TST: variants seen among roughly 807,000 people sequenced by gnomAD.
TST encodes the protein thiosulfate sulfurtransferase.
In TST, 22 loss-of-function variants were observed where a neutral mutation model predicts 20.4. The observed-to-expected ratio is 1.08, with a 90% CI of 0.77 to 1.54. TST has a LOEUF of 1.54. Ranked by LOEUF, TST falls within the 40% of genes most tolerant of loss-of-function variation. TST has a pLI of 0.00. For synonymous variants in TST, 187 were observed against 173.8 expected (o/e 1.08, Z -0.60); for missense variants, 392 against 405.2 (o/e 0.97, Z 0.28).
rs1922439069 is a variant in TST, at chr22:37,010,878, A to C, written c.*149T>G. Reference sequence around the variant, plus strand: ...CAAACACACTACTCAGAAAAGGCAAAGTTTATTCCAGTGTTGACAGAGAGA... The same window carrying C: ...CAAACACACTACTCAGAAAAGGCAACGTTTATTCCAGTGTTGACAGAGAGA... On this transcript the variant is annotated 3_prime_UTR_variant, in exon 3 of 3. Coordinates refer to ENST00000249042, the MANE Select transcript of TST (RefSeq NM_003312.6). 8.4e-7 allele frequency: 1 copy of C among 1,195,484 alleles called. No individual in the cohort carries two copies. Among genetic ancestry groups the C allele is most frequent in the Non-Finnish European group, 1.2e-6 (1 of 859,506 alleles). 74.1% of individuals were successfully genotyped at this position (1,195,484 alleles called of 1,614,324 possible).
At chr22:37,013,767 TC>T (rs1922568487) in intron 2 of TST, among the ~76,000 whole-genome samples, 1 of 152,202 alleles carries the variant, frequency 6.6e-6, no homozygotes, top group African/African-American at 2.4e-5. Flanking sequence ...GGGCATTCTT[TC>T]CCAAGAAACC....
chr22:37,012,351 A>C (rs74624100), intron 2 of TST, among the ~76,000 whole-genome samples: 2,960 of 152,320 alleles, frequency 0.019, 39 homozygotes, highest in Non-Finnish European at 0.029. Context: ...ATCTGGCTTC[A>C]GAAGAGCCAG....
chr22:37,012,437 A>G (rs977495374), intron 2 of TST, among the ~76,000 whole-genome samples: 2 of 152,190 alleles, frequency 1.3e-5, no homozygotes, highest in Non-Finnish European at 2.9e-5. Context: ...AATCTCACAC[A>G]TGCCCCAGGC....
Position 37,011,193 on chromosome 22 carries a change from G to A in TST, c.728C>T (p.Pro243Leu). ...TCCCTTGCGGCACGTGGCAATGAGA[G>A]GCTGCGAGAGATCCACCTTCTTGGT... is the stretch of plus-strand genomic sequence containing the variant. ...FQTKKVDLSQ[P>L]LIATCRKGVT... is the part of the protein sequence containing the mutation. Residue 243 changes from proline to leucine, a missense_variant, in exon 3 of 3, where the codon CCT becomes CTT. Coordinates refer to ENST00000249042, the MANE Select transcript of TST (RefSeq NM_003312.6). The A allele has an allele frequency of 2.5e-6, 4 of 1,613,860 alleles. No homozygotes were observed. Among genetic ancestry groups the A allele is most frequent in the Non-Finnish European group, 2.5e-6 (3 of 1,180,002 alleles).
chr22:37,015,268 G>A (rs1482809687), intron 2 of TST, among the ~76,000 whole-genome samples: 3 of 152,146 alleles, frequency 2.0e-5, no homozygotes, highest in East Asian at 3.9e-4. Flanking sequence ...TATAAAAAGC[G>A]TTCTGTAAAT....
At chr22:37,015,590 G>A (rs538341686) in intron 2 of TST, among the ~76,000 whole-genome samples, 1 of 152,382 alleles carries the variant, frequency 6.6e-6, no homozygotes, top group East Asian at 1.9e-4. Flanking sequence ...GCTTGCCTAA[G>A]GTGAGCAGGA....
At chr22:37,011,367 G>A (rs377064767) in intron 2 of TST, 42 bp from the exon 3 acceptor site, 38 of 1,579,526 alleles carry the variant, frequency 2.4e-5, no homozygotes, top group Non-Finnish European at 2.6e-6. Flanking sequence ...TGTATGAGGG[G>A]TGGGGACTAA....
chr22:37,016,802 C>T (rs1922696951), intron 2 of TST, among the ~76,000 whole-genome samples: 1 of 152,154 alleles, frequency 6.6e-6, no homozygotes, highest in Non-Finnish European at 1.5e-5. Flanking sequence ...AAATATGGGG[C>T]CTGGAAAAAG....
chr22:37,013,194 G>A (rs1922545995), intron 2 of TST: 4 of 152,220 alleles, frequency 2.6e-5, no homozygotes, highest in African/African-American at 9.7e-5. Flanking sequence ...CGGGGCCAAA[G>A]AGGATTCCAA....
rs1922440729 is a variant in TST, at chr22:37,010,914, T to G, written c.*113A>C. On this transcript the variant is annotated 3_prime_UTR_variant, in exon 3 of 3. Transcript: ENST00000249042. ...GTGTTGACAGAGAGAGGGTGAGCCT[T>G]GCACAGCAATTCTAAAAACATGTCA... The G allele has an allele frequency of 7.0e-7, 1 of 1,438,400 alleles. No homozygotes were observed. Among genetic ancestry groups the G allele is most frequent in the South Asian group, 1.4e-5 (1 of 74,064 alleles). 89.1% of individuals were successfully genotyped at this position (1,438,400 alleles called of 1,614,324 possible).
In TST at chr22:37,010,958, T is replaced by TA; in HGVS notation, c.*68dup. ...CATGTCATCTCCTTCACCTAAGAGG[T>TA]AAGAACCGGCTGTAAGTCATGGGGT... On this transcript the variant is annotated 3_prime_UTR_variant, in exon 3 of 3. Coordinates refer to ENST00000249042, the MANE Select transcript of TST (RefSeq NM_003312.6). 3.2e-6 allele frequency: 5 copies of TA among 1,544,588 alleles called. No homozygotes were observed. The highest frequency in any genetic ancestry group is 1.2e-5 in the South Asian group (1 of 80,708).
At chr22:37,015,794 A>G (rs926002552) in intron 2 of TST, among the ~76,000 whole-genome samples, 33 of 151,888 alleles carry the variant, frequency 2.2e-4, no homozygotes, top group African/African-American at 7.5e-4. Flanking sequence ...GCAGAGCCTC[A>G]TGTGCCTTTG....
Position 37,018,614 on chromosome 22 carries a change from C to G in TST, c.119G>C (p.Gly40Ala). The part of the protein sequence containing the change: ...RVLDASWYSP[G>A]TREARKEYLE... ...GTACTCCTTGCGGGCCTCTCGGGTGCCTGGTGAGTACCAGGACGCGTCCAG... is the reference window on the plus strand; with the variant it reads ...GTACTCCTTGCGGGCCTCTCGGGTGGCTGGTGAGTACCAGGACGCGTCCAG... The change falls in exon 2 of 3, where the codon GGC (glycine) becomes GCC (alanine). Residue 40 changes from glycine (G) to alanine (A), a missense_variant. Gly to Ala is a moderately conservative substitution (Grantham distance 60, BLOSUM62 0). Coordinates refer to ENST00000249042, the MANE Select transcript of TST (RefSeq NM_003312.6). 1 of 1,570,712 alleles carries G rather than the reference C, an allele frequency of 6.4e-7. No individual in the cohort carries two copies. Among genetic ancestry groups the G allele is most frequent in the Non-Finnish European group, 8.6e-7 (1 of 1,158,594 alleles).
At chr22:37,014,095 G>T (rs1308873122) in intron 2 of TST, among the ~76,000 whole-genome samples, 7 of 62 alleles carry the variant, frequency 0.11, no homozygotes. Flanking sequence ...CGGGCGCGGT[G>T]GCTACGCCTG....
intron 2 of TST, chr22:37,013,343 GGT>G (rs1353346440): frequency 2.0e-5 from 3 of 152,012 alleles, no homozygotes; most frequent in Non-Finnish European, 2.9e-5. Flanking sequence ...GGCCAGGCAT[GGT>G]GGCTTACATC....
intron 2 of TST, among the ~76,000 whole-genome samples, chr22:37,015,027 G>A (rs1194612066): frequency 1.3e-5 from 2 of 152,118 alleles, no homozygotes; most frequent in Non-Finnish European, 2.9e-5. Flanking sequence ...CCACACCATG[G>A]AGCCGTGACC....
At position 37,014,895 on chromosome 22, in the gene TST, C is replaced by A. The variant is rs536530152; in HGVS notation, c.595+3243G>T. ...CAGAGCAGGCAGCCCCAGAAGGCAA[C>A]CCCTTAACCCTAGCCAGGAAGAGGC... On this transcript the variant is annotated intron_variant, in intron 2 of 2. Coordinates refer to ENST00000249042, the MANE Select transcript of TST (RefSeq NM_003312.6). 2.6e-5 allele frequency among the ~76,000 whole-genome samples: 4 copies of A among 152,284 alleles called. No individual in the cohort carries two copies. The South Asian group carries it at 8.3e-4, about 32-fold the overall frequency.
In TST at chr22:37,011,281, T is replaced by C. The variant is rs1474199368; in HGVS notation, c.640A>G (p.Met214Val). ...HIRGAVNMPF[M>V]DFLTEDGFEK... ...AAGCCATCCTCAGTCAGGAAGTCCA[T>C]GAAAGGCATGTTGACGGCACCACGG... Residue 214 changes from methionine (M) to valine (V), a missense_variant, in exon 3 of 3, where the codon ATG (methionine) becomes GTG (valine). Transcript: ENST00000249042. The C allele has an allele frequency of 6.2e-7, 1 of 1,613,396 alleles. No individual in the cohort carries two copies. Among genetic ancestry groups the C allele is most frequent in the Non-Finnish European group, 8.5e-7 (1 of 1,179,898 alleles).
chr22:37,014,333 G>A (rs1374915517), intron 2 of TST, among the ~76,000 whole-genome samples: 2 of 152,302 alleles, frequency 1.3e-5, no homozygotes, highest in African/African-American at 4.8e-5. Context: ...TCGCACCACT[G>A]CACTCCAGCC....
Sources: allele counts gnomAD v4.1 joint callset (sites outside exome capture counted in the v4.1 genomes callset), GRCh38; gene constraint gnomAD v4.1.1; transcripts MANE v1.5; gene names NCBI Gene and HGNC (gene_info 2026-07-23, HGNC 2026-07-21).